The following FAN1 variants were observed in gnomAD, a reference collection of about 807,000 sequenced individuals.
FAN1 encodes FANCD2 and FANCI associated nuclease 1.
FAN1 carries 91 observed loss-of-function variants against 104.9 expected under a neutral mutation model. The ratio of observed to expected loss-of-function variants is 0.87; its 90% CI spans 0.73 to 1.03. FAN1 has a LOEUF of 1.03. Among genes scored for constraint, FAN1 ranks in the 50% least tolerant of loss-of-function variants. The pLI is 0.00. For missense variants in FAN1, 1,263 were observed against 1,239.9 expected (o/e 1.02, Z -0.28); for synonymous variants, 478 against 457.6 (o/e 1.04, Z -0.57).
rs1313006121 is a variant in FAN1, at chr15:30,929,955, TATC to T, written c.2787+561_2787+563del. Among the ~76,000 whole-genome samples the T allele has an allele frequency of 9.8e-3, 1,208 of 122,690 alleles. 17 individuals are homozygous for T. The highest frequency in any genetic ancestry group is 0.012 in the Non-Finnish European group (754 of 63,382). 80.5% of individuals were successfully genotyped at this position (122,690 alleles called of 152,430 possible). A position where few individuals can be genotyped will look rare whatever the true frequency, so the allele number is the denominator to read the frequency against. The stretch of plus-strand genomic sequence containing the variant: ...TATATAAAATATATAATATAATATA[TATC>T]ATATAATATATAAAATATATAATAT... On this transcript the variant is annotated intron_variant, in intron 12 of 14. Transcript: ENST00000362065.
chr15:30,915,311 G>T (rs112464096), intron 5 of FAN1, among the ~76,000 whole-genome samples: 2 of 152,210 alleles, frequency 1.3e-5, no homozygotes, highest in Admixed American at 1.3e-4. Flanking sequence ...GGGGAAGGGG[G>T]ATAGGGAAAG....
chr15:30,913,908 C>T lies in FAN1; in HGVS notation c.1628C>T (p.Ala543Val), dbSNP rs2062148025. The T allele has an allele frequency of 6.2e-7, 1 of 1,614,154 alleles. No individual in the cohort carries two copies. The highest frequency in any genetic ancestry group is 8.5e-7 in the Non-Finnish European group (1 of 1,180,024). The change falls in exon 5 of 15, where the codon GCT (alanine) becomes GTT (valine). Residue 543 changes from alanine (A) to valine (V), a missense_variant. Physicochemically the swap from Ala to Val is moderately conservative, Grantham distance 64. Around this residue, in one of 2 missense-constraint regions of FAN1, gnomAD observed 581 missense variants for 668.8 expected, o/e 0.87. Coordinates refer to ENST00000362065, the MANE Select transcript of FAN1 (RefSeq NM_014967.5). ...QSVRICKGPR[A>V]VFSRILLLFS... The stretch of plus-strand genomic sequence containing the variant: ...GTACGAATCTGTAAAGGCCCCAGGG[C>T]TGTGTTTTCCCGCATCTTGCTACTG...
At position 30,908,118 on chromosome 15, in the gene FAN1, C is replaced by T; in HGVS notation, c.1235C>T (p.Ala412Val). The change falls in exon 3 of 15, where the codon GCT becomes GTT. Residue 412 changes from alanine (A) to valine (V), a missense_variant and splice_region_variant. Around this residue, in one of 2 missense-constraint regions of FAN1, gnomAD observed 682 missense variants for 571.1 expected, o/e 1.19. Transcript: ENST00000362065. Reference sequence around the variant, plus strand: ...AACATTTTTCTTAACTTTATTGCAGCTACTGGTCAGAAGTTATATGTAAGG... The same window carrying T: ...AACATTTTTCTTAACTTTATTGCAGTTACTGGTCAGAAGTTATATGTAAGG... ...GIVTKFYQLS[A>V]TGQKLYVRLF... 2 of 1,592,754 alleles carry T rather than the reference C, an allele frequency of 1.3e-6. No homozygotes were observed. Among genetic ancestry groups the T allele is most frequent in the African/African-American group, 1.4e-5 (1 of 73,948 alleles).
At chr15:30,906,951 G>C (rs2061993358) in intron 2 of FAN1, among the ~76,000 whole-genome samples, 1 of 152,152 alleles carries the variant, frequency 6.6e-6, no homozygotes, top group African/African-American at 2.4e-5. Context: ...CCATGTAATT[G>C]AGAAATAGGA....
intron 14 of FAN1, 133 bp downstream of exon 14, chr15:30,937,392 C>A: frequency 2.7e-6 from 2 of 740,420 alleles, no homozygotes; most frequent in Admixed American, 3.2e-5. Context: ...GTCTGCATAT[C>A]ACAAAACAGT....
chr15:30,906,609 A>T (rs193254459), intron 2 of FAN1: 1 of 438,878 alleles, frequency 2.3e-6, no homozygotes, highest in African/African-American at 2.0e-5. Context: ...TGGTAGTCAC[A>T]CTGTCGTTTA....
intron 14 of FAN1, chr15:30,939,172 A>G: frequency 1.0e-6 from 1 of 985,440 alleles, no homozygotes; most frequent in African/African-American, 1.7e-5. Flanking sequence ...GTTAGTACAA[A>G]TTAATATCCT....
At position 30,905,284 on chromosome 15, in the gene FAN1, G is replaced by T. The variant is rs1384671362; in HGVS notation, c.621G>T (p.Glu207Asp). Residue 207 changes from glutamate (E) to aspartate (D), a missense_variant, in exon 2 of 15, where the codon GAG becomes GAT. By Grantham distance (45) the Glu-to-Asp change is conservative. Coordinates refer to ENST00000362065, the MANE Select transcript of FAN1 (RefSeq NM_014967.5). The stretch of plus-strand genomic sequence containing the variant: ...TTGAGGACGAGGATCAAATTTTGGA[G>T]AACAGTTCTCAAAAAGAAAACGTGT... ...SEIEDEDQIL[E>D]NSSQKENVFK... 6.2e-7 allele frequency: 1 copy of T among 1,614,010 alleles called. No individual in the cohort carries two copies. The highest frequency in any genetic ancestry group is 1.7e-5 in the Admixed American group (1 of 60,018).
intron 13 of FAN1, among the ~76,000 whole-genome samples, chr15:30,933,275 C>G (rs2062762276): frequency 6.6e-6 from 1 of 152,146 alleles, no homozygotes; most frequent in South Asian, 2.1e-4. Context: ...CTCCAAATTT[C>G]CTTCTCAGTG....
At position 30,918,237 on chromosome 15, in the gene FAN1, G is replaced by GAGCTC; in HGVS notation, c.1886_1890dup (p.Ala631SerfsTer13). The stretch of plus-strand genomic sequence containing the variant: ...CAATGGGAACTGGGAAGAAGCTAAG[G>GAGCTC]AGCTCGCTCAGTGTGCAAAAAGGGA... On this transcript the variant is annotated frameshift_variant, in exon 6 of 15. Transcript: ENST00000362065. LOFTEE classifies it high-confidence loss of function. 1 of 1,614,100 alleles carries GAGCTC rather than the reference G, an allele frequency of 6.2e-7. No homozygotes were observed.
intron 3 of FAN1, among the ~76,000 whole-genome samples, chr15:30,909,160 G>A (rs996642067): frequency 4.6e-5 from 7 of 152,192 alleles, no homozygotes; most frequent in African/African-American, 1.7e-4. Context: ...ACTGTATTAG[G>A]AAAGGGAAAT....
rs1274848228 is a variant in FAN1, at chr15:30,929,889, CATATATAATATATAAA to C, written c.2787+507_2787+522del. 6.7e-3 allele frequency among the ~76,000 whole-genome samples: 460 copies of C among 68,822 alleles called. 50 individuals carry two copies. The highest frequency in any genetic ancestry group is 0.027 in the African/African-American group (417 of 15,312). The allele number at this position is 68,822 out of a possible 152,430, so 45.1% of individuals were successfully genotyped here. A position where few individuals can be genotyped will look rare whatever the true frequency, so the allele number is the denominator to read the frequency against. On this transcript the variant is annotated intron_variant, in intron 12 of 14. Transcript: ENST00000362065. ...TATATATAAAATATATAATATATAT[CATATATAATATATAAA>C]ATATATAATATATATCATATATAAT...
At chr15:30,939,268 G>A (rs1448538192) in intron 14 of FAN1, 15 of 985,282 alleles carry the variant, frequency 1.5e-5, no homozygotes, top group Admixed American at 6.1e-5. Flanking sequence ...ACACCTTTAC[G>A]TTCAATACTA....
Position 30,929,103 on chromosome 15 carries a change from C to T in FAN1, c.2593-100C>T, listed in dbSNP as rs1434229183. 2.1e-5 allele frequency: 20 copies of T among 943,478 alleles called. 1 individual carries two copies. The highest frequency in any genetic ancestry group is 3.3e-4 in the Middle Eastern group (1 of 3,024). The allele number at this position is 943,478 out of a possible 1,614,324, so 58.4% of individuals were successfully genotyped here. A position where few individuals can be genotyped will look rare whatever the true frequency, so the allele number is the denominator to read the frequency against. On this transcript the variant is annotated intron_variant, in intron 11 of 14. Coordinates refer to ENST00000362065, the MANE Select transcript of FAN1 (RefSeq NM_014967.5). ...TTATCTTTTGAGAGAAAGAATGTAT[C>T]GGTTGGCCGGTTTCCAAGTTTTGTA...
chr15:30,920,103 A>T (rs930630892), intron 6 of FAN1, among the ~76,000 whole-genome samples: 4 of 152,250 alleles, frequency 2.6e-5, no homozygotes, highest in African/African-American at 9.6e-5. Flanking sequence ...AGCCACAAGA[A>T]GTACGTATGC....
Position 30,910,601 on chromosome 15 carries a change from T to G in FAN1, c.1376-13T>G. The G allele has an allele frequency of 6.7e-7, 1 of 1,499,604 alleles. No homozygotes were observed. Among genetic ancestry groups the G allele is most frequent in the Admixed American group, 2.2e-5 (1 of 44,598 alleles). 92.9% of individuals were successfully genotyped at this position (1,499,604 alleles called of 1,614,324 possible). On this transcript the variant is annotated splice_polypyrimidine_tract_variant and intron_variant, in intron 3 of 14. Transcript: ENST00000362065. The stretch of plus-strand genomic sequence containing the variant: ...GTAAAATTTAAAAAAACTTTTTTTT[T>G]TAACCATTTCAGAATCTGAGTTGCA...
At position 30,929,243 on chromosome 15, in the gene FAN1, G is replaced by T; in HGVS notation, c.2633G>T (p.Ser878Ile). 6.2e-7 allele frequency: 1 copy of T among 1,613,384 alleles called. No homozygotes were observed. Among genetic ancestry groups the T allele is most frequent in the East Asian group, 2.2e-5 (1 of 44,840 alleles). Residue 878 changes from serine (S) to isoleucine (I), a missense_variant, in exon 12 of 15, where the codon AGC (serine) becomes ATC (isoleucine). Ser to Ile is a moderately radical substitution (Grantham distance 142, BLOSUM62 -2). Around this residue, in one of 2 missense-constraint regions of FAN1, gnomAD observed 581 missense variants for 668.8 expected, o/e 0.87. Coordinates refer to ENST00000362065, the MANE Select transcript of FAN1 (RefSeq NM_014967.5). ...TTGTGCACAGACAGCTTCTTCACAA[G>T]CAGACGCCCAGCCCTTGAGGCCAGG... is the stretch of plus-strand genomic sequence containing the variant. Reference protein sequence around the residue: ...LDLCTDSFFTSRRPALEARLQ... With the variant: ...LDLCTDSFFTIRRPALEARLQ...
chr15:30,906,345 T>C, intron 2 of FAN1: 1 of 458,260 alleles, frequency 2.2e-6, no homozygotes. Context: ...CTGAGGCATA[T>C]TTTCTTTCTC....
Position 30,925,835 on chromosome 15 carries a change from C to G in FAN1, c.2384C>G (p.Ser795Cys), listed in dbSNP as rs1177964991. 6 of 1,614,116 alleles carry G rather than the reference C, an allele frequency of 3.7e-6. No individual in the cohort carries two copies. In the South Asian group the frequency reaches 6.6e-5, roughly 18 times the overall value. ...RLCPQRGMCK[S>C]VFVMEAGEAA... ...TGCCCACAGCGTGGGATGTGCAAGT[C>G]TGTGTTTGTGATGGAGGCCGGGGAG... Residue 795 changes from serine (S) to cysteine (C), a missense_variant, in exon 10 of 15, where the codon TCT (serine) becomes TGT (cysteine). Physicochemically the swap from Ser to Cys is moderately radical, Grantham distance 112. Coordinates refer to ENST00000362065, the MANE Select transcript of FAN1 (RefSeq NM_014967.5).
Sources: gnomAD v4.1 joint callset for allele counts (sites outside exome capture counted in the v4.1 genomes callset) on GRCh38, gnomAD v4.1.1 for gene constraint, gnomAD v4.1.1 regional missense constraint, MANE v1.5 for transcripts, NCBI Gene and HGNC (gene_info 2026-07-23, HGNC 2026-07-21) for gene names.